The following MCPH1 variants were observed in gnomAD, a reference collection of about 807,000 sequenced individuals.
MCPH1 encodes the protein microcephalin 1.
In MCPH1, 104 loss-of-function variants were observed where a neutral mutation model predicts 84.5. The ratio of observed to expected loss-of-function variants is 1.23; its 90% CI spans 1.05 to 1.45. The LOEUF is 1.45. Among genes scored for constraint, MCPH1 ranks in the 40% most tolerant of loss-of-function variants. The probability of loss-of-function intolerance (pLI) is 0.00; values close to 1 mark genes in which losing one functional copy is unlikely to be tolerated. For synonymous variants in MCPH1, 514 were observed against 366.8 expected (o/e 1.40, Z -4.58); for missense variants, 1,498 against 1,005.7 (o/e 1.49, Z -6.62).
At chr8:6,553,822 A>T (rs1225559006) in intron 12 of MCPH1, among the ~76,000 whole-genome samples, 1 of 152,128 alleles carries the variant, frequency 6.6e-6, no homozygotes, top group Non-Finnish European at 1.5e-5. Context: ...ATAAAGTCCC[A>T]CGTGATTCAG....
At chr8:6,555,832 A>G (rs890747619) in intron 12 of MCPH1, among the ~76,000 whole-genome samples, 1 of 152,204 alleles carries the variant, frequency 6.6e-6, no homozygotes, top group African/African-American at 2.4e-5. Flanking sequence ...CACCAATTCT[A>G]TTACAAGGTG....
chr8:6,553,909 A>G (rs571738315), intron 12 of MCPH1, among the ~76,000 whole-genome samples: 2 of 152,244 alleles, frequency 1.3e-5, no homozygotes, highest in South Asian at 2.1e-4. Context: ...GCTGTTGAAT[A>G]TAACTACCAA....
chr8:6,478,620 G>C (rs1283020561), intron 10 of MCPH1, among the ~76,000 whole-genome samples: 1 of 152,134 alleles, frequency 6.6e-6, no homozygotes, highest in Non-Finnish European at 1.5e-5. Flanking sequence ...ATTTTATGTG[G>C]ATTAGCTGAG....
intron 12 of MCPH1, among the ~76,000 whole-genome samples, chr8:6,510,890 A>G (rs1222047321): frequency 1.3e-5 from 2 of 152,284 alleles, no homozygotes; most frequent in African/African-American, 4.8e-5. Flanking sequence ...ATTTTCCCAC[A>G]TGTTTCAAAA....
rs192018638 is a variant in MCPH1, at chr8:6,510,794, G to A, written c.2214+10865G>A. Among the ~76,000 whole-genome samples the A allele has an allele frequency of 2.1e-3, 316 of 152,328 alleles. 9 individuals carry two copies. In the South Asian group the frequency reaches 0.041, roughly 20 times the overall value. On this transcript the variant is annotated intron_variant, in intron 12 of 13. Transcript: ENST00000344683. ...GTAGGGCCATGTGATGTGGAGTTCTGTAAGTGTTGCTCCTAAGTGACTTCA... is the reference window on the plus strand; with the variant it reads ...GTAGGGCCATGTGATGTGGAGTTCTATAAGTGTTGCTCCTAAGTGACTTCA...
chr8:6,428,064 G>A (rs2129553546), intron 3 of MCPH1, among the ~76,000 whole-genome samples: 1 of 151,934 alleles, frequency 6.6e-6, no homozygotes, highest in East Asian at 1.9e-4. Flanking sequence ...TTACAGGTGT[G>A]AGCCACCACG....
In MCPH1 at chr8:6,444,691, G is replaced by T; in HGVS notation, c.969G>T (p.Gln323His). The T allele has an allele frequency of 1.9e-6, 3 of 1,614,074 alleles. No homozygotes were observed. The highest frequency in any genetic ancestry group is 2.7e-5 in the African/African-American group (2 of 75,052). The change falls in exon 8 of 14, where the codon CAG becomes CAT. Residue 323 changes from glutamine (Q) to histidine (H), a missense_variant. Coordinates refer to ENST00000344683, the MANE Select transcript of MCPH1 (RefSeq NM_024596.5). ...AAAAGCAGGCTGCAGGTATGTCTCA[G>T]GAGACGTTTGAAGAGAAGTATCGTT... The part of the protein sequence containing the change: ...PDQKQAAGMS[Q>H]ETFEEKYRLS...
intron 11 of MCPH1, among the ~76,000 whole-genome samples, chr8:6,491,028 A>C (rs1282240445): frequency 7.0e-6 from 1 of 143,690 alleles, no homozygotes; most frequent in Non-Finnish European, 1.5e-5. Flanking sequence ...TTAGAATATT[A>C]AAATTTAAAA....
chr8:6,588,116 G>A (rs1299566531), intron 12 of MCPH1, among the ~76,000 whole-genome samples: 6 of 152,142 alleles, frequency 3.9e-5, no homozygotes, highest in Admixed American at 1.3e-4. Flanking sequence ...ATGGTTGTGG[G>A]GTGGCTGACA....
rs566118148 is a variant in MCPH1 at position 6,409,238 on chromosome 8, G to A, written c.23-41G>A. ...AAAATCTATTGGGCAGGGGATGCTG[G>A]AATTTCAAATGTATGTTTCATGTTC... On this transcript the variant is annotated intron_variant, in intron 1 of 13. Transcript: ENST00000344683. 8 of 1,518,274 alleles carry A rather than the reference G, an allele frequency of 5.3e-6. No homozygotes were observed. The South Asian group carries it at 5.6e-5, about 11-fold the overall frequency. The allele number at this position is 1,518,274 out of a possible 1,614,324, so 94.1% of individuals were successfully genotyped here.
At chr8:6,609,988 T>A (rs893112784) in intron 12 of MCPH1, among the ~76,000 whole-genome samples, 1 of 152,180 alleles carries the variant, frequency 6.6e-6, no homozygotes. Context: ...AACATCTCAG[T>A]ATTAAAAGCA....
chr8:6,440,077 G>A (rs1803279119), intron 6 of MCPH1, among the ~76,000 whole-genome samples: 1 of 152,282 alleles, frequency 6.6e-6, no homozygotes, highest in Non-Finnish European at 1.5e-5. Context: ...ATCCTGGAGG[G>A]TTTGTTTGCA....
intron 13 of MCPH1, among the ~76,000 whole-genome samples, chr8:6,633,221 A>G (rs998034456): frequency 3.3e-5 from 5 of 152,170 alleles, no homozygotes; most frequent in Non-Finnish European, 2.9e-5. Flanking sequence ...AATAAAAAAA[A>G]ATTACAAGAA....
intron 9 of MCPH1, among the ~76,000 whole-genome samples, chr8:6,466,496 A>C (rs774257871): frequency 6.6e-6 from 1 of 152,144 alleles, no homozygotes; most frequent in Non-Finnish European, 1.5e-5. Flanking sequence ...TTCGGTAGCA[A>C]CGAGGTTTCG....
intron 10 of MCPH1, among the ~76,000 whole-genome samples, chr8:6,478,853 C>G (rs143892054): frequency 6.6e-6 from 1 of 152,348 alleles, no homozygotes; most frequent in East Asian, 1.9e-4. Flanking sequence ...TCTTGACTCA[C>G]ACATCTTTTC....
intron 4 of MCPH1, among the ~76,000 whole-genome samples, chr8:6,432,657 T>C (rs953281996): frequency 2.1e-4 from 32 of 152,384 alleles, no homozygotes; most frequent in African/African-American, 7.7e-4. Flanking sequence ...CTACATTTCC[T>C]GTAGACTAGA....
chr8:6,540,266 C>A (rs770606263), intron 12 of MCPH1, among the ~76,000 whole-genome samples: 12 of 152,136 alleles, frequency 7.9e-5, no homozygotes, highest in Non-Finnish European at 1.6e-4. Flanking sequence ...TACCACTACT[C>A]CAAAATTTGA....
At chr8:6,618,832 G>C (rs976159773) in intron 12 of MCPH1, 39 of 152,122 alleles carry the variant, frequency 2.6e-4, no homozygotes, top group African/African-American at 8.2e-4. Context: ...TTTCAGTTTG[G>C]TCCGTCAGTG....
chr8:6,544,794 C>G (rs949092467), intron 12 of MCPH1, among the ~76,000 whole-genome samples: 24 of 152,314 alleles, frequency 1.6e-4, no homozygotes, highest in African/African-American at 3.4e-4. Context: ...TACCTCCTGA[C>G]TTGAATCTAT....
Sources: allele counts gnomAD v4.1 joint callset (sites outside exome capture counted in the v4.1 genomes callset), GRCh38; gene constraint gnomAD v4.1.1; transcripts MANE v1.5; gene names NCBI Gene and HGNC (gene_info 2026-07-23, HGNC 2026-07-21).